Variants in TFAP4 observed in about 807,000 individuals in gnomAD.
The protein encoded by TFAP4 is activating enhancer-binding protein 4.
A neutral mutation model predicts 40.4 loss-of-function variants in TFAP4; 7 were observed. The observed-to-expected ratio is 0.17, with a 90% CI of 0.10 to 0.33. TFAP4 has a LOEUF of 0.33. TFAP4 is among the 10% of genes least tolerant of loss of function. TFAP4 has a pLI of 1.00. For missense variants in TFAP4, 374 were observed against 451.1 expected, an observed-to-expected ratio of 0.83 and a Z score of 1.55; for synonymous variants, 218 against 181.4, an observed-to-expected ratio of 1.20 and a Z score of -1.62.
In TFAP4 at chr16:4,260,566, C is replaced by T. The variant is rs749815187; in HGVS notation, c.555G>A (p.Pro185=). Residue 185 remains proline (P), a synonymous_variant, in exon 5 of 7, where the codon CCG becomes CCA. Transcript: ENST00000204517. ...QVRSLEAHMY[P]EKLKVIAQQV... ...GCTGCGCAATCACCTTGAGCTTTTC[C>T]GGGTACATGTGGGCCTCCAGCGAGC... The T allele has an allele frequency of 2.2e-5, 36 of 1,610,452 alleles. No individual in the cohort carries two copies. The highest frequency in any genetic ancestry group is 3.4e-4 in the Middle Eastern group (2 of 5,820).
intron 1 of TFAP4, among the ~76,000 whole-genome samples, chr16:4,271,888 C>A (rs1473896335): frequency 6.6e-6 from 1 of 152,208 alleles, no homozygotes; most frequent in Non-Finnish European, 1.5e-5. Context: ...ACAAATCCCA[C>A]AATGCTGCAC....
rs1411068141 is a variant in TFAP4, at chr16:4,272,930, C to T, written c.-184G>A. 2.1e-6 allele frequency: 1 copy of T among 483,182 alleles called. No individual in the cohort carries two copies. The highest frequency in any genetic ancestry group is 3.1e-5 in the Admixed American group (1 of 32,244). The allele number at this position is 483,182 out of a possible 1,614,324, so 29.9% of individuals were successfully genotyped here. A position where few individuals can be genotyped will look rare whatever the true frequency, so the allele number is the denominator to read the frequency against. On this transcript the variant is annotated 5_prime_UTR_variant, in exon 1 of 7. Transcript: ENST00000204517. ...GGGAGGGGCGGGAGGGAGGTCTCTC[C>T]GGCCTGCCTCCCCGGGCGTGTGTAT...
intron 6 of TFAP4, 106 bp downstream of exon 6, chr16:4,259,984 C>T: frequency 7.1e-7 from 1 of 1,401,634 alleles, no homozygotes; most frequent in Non-Finnish European, 9.5e-7. Flanking sequence ...CCTTCCCACA[C>T]AAGCACCATC....
chr16:4,270,696 G>A (rs1289978580), intron 1 of TFAP4, among the ~76,000 whole-genome samples: 2 of 152,330 alleles, frequency 1.3e-5, no homozygotes, highest in East Asian at 3.9e-4. Context: ...TTGGGGCAGG[G>A]ATAAATTGAA....
chr16:4,271,911 G>C (rs890219347), intron 1 of TFAP4, among the ~76,000 whole-genome samples: 2 of 152,198 alleles, frequency 1.3e-5, no homozygotes, highest in African/African-American at 2.4e-5. Context: ...GCAGGACACG[G>C]AGAACTACAG....
Position 4,261,760 on chromosome 16 carries a change from G to A in TFAP4, c.525+19C>T, listed in dbSNP as rs1877800550. 2 of 1,587,154 alleles carry A rather than the reference G, an allele frequency of 1.3e-6. No homozygotes were observed. Among genetic ancestry groups the A allele is most frequent in the Non-Finnish European group, 1.7e-6 (2 of 1,169,872 alleles). ...CCCTCTGCACCGCGCGCCGTGCCCA[G>A]CAGAGGGCGCTGCCTCACCTGCTCC... On this transcript the variant is annotated intron_variant, in intron 4 of 6. Transcript: ENST00000204517.
intron 4 of TFAP4, among the ~76,000 whole-genome samples, chr16:4,261,525 G>A (rs916538772): frequency 6.6e-6 from 1 of 151,900 alleles, no homozygotes; most frequent in Middle Eastern, 3.4e-3. Flanking sequence ...CTGACCTCAG[G>A]TGATCCACCC....
chr16:4,266,428 C>T (rs1419834711), intron 1 of TFAP4: 1 of 152,212 alleles, frequency 6.6e-6, no homozygotes, highest in African/African-American at 2.4e-5. Flanking sequence ...GAATCTGCCA[C>T]CAAGACCCTC....
intron 5 of TFAP4, 76 bp downstream of exon 5, chr16:4,260,379 G>A (rs2052936025): frequency 2.0e-6 from 3 of 1,514,602 alleles, no homozygotes; most frequent in Non-Finnish European, 1.8e-6. Context: ...GTGGCCTAGG[G>A]AGAGGCTTCC....
At chr16:4,263,983 G>C (rs1371810887) in intron 1 of TFAP4, 1 of 152,652 alleles carries the variant, frequency 6.6e-6, no homozygotes, top group Non-Finnish European at 1.5e-5. Flanking sequence ...CCAGATGCTG[G>C]GCTCTCAGCA....
intron 6 of TFAP4, among the ~76,000 whole-genome samples, chr16:4,259,754 C>G (rs1268528331): frequency 6.6e-6 from 1 of 152,142 alleles, no homozygotes; most frequent in African/African-American, 2.4e-5. Context: ...GGAGCTGAGA[C>G]AATGTTCCGG....
chr16:4,271,959 A>G (rs2053043941), intron 1 of TFAP4, among the ~76,000 whole-genome samples: 1 of 152,132 alleles, frequency 6.6e-6, no homozygotes, highest in African/African-American at 2.4e-5. Context: ...GCCTACTCCA[A>G]GAGGGCTGCA....
rs536611417 is a variant in TFAP4 at position 4,272,795 on chromosome 16, G to C, written c.-49C>G. On this transcript the variant is annotated 5_prime_UTR_variant, in exon 1 of 7. Transcript: ENST00000204517. ...ACGAGCCAGGTCCCGCGATCAGCCG[G>C]AGAATGCAAGATGGAAATCCGAATC... The C allele has an allele frequency of 8.3e-6, 13 of 1,561,754 alleles. No individual in the cohort carries two copies. In the Admixed American group the frequency reaches 8.5e-5, roughly 10 times the overall value.
At chr16:4,260,821 A>G (rs2052941728) in intron 4 of TFAP4, among the ~76,000 whole-genome samples, 1 of 152,048 alleles carries the variant, frequency 6.6e-6, no homozygotes, top group Admixed American at 6.5e-5. Context: ...TGCCTATGCT[A>G]TTCCCTCTGC....
chr16:4,260,718 G>T, intron 4 of TFAP4, 123 bp from the exon 5 acceptor site: 2 of 1,159,010 alleles, frequency 1.7e-6, no homozygotes, highest in South Asian at 1.8e-5. Flanking sequence ...TCTCAACAGA[G>T]GCCAGAAGCC....
Position 4,272,994 on chromosome 16 carries a change from GTGTGTGTGTT to G in TFAP4, c.-258_-249del, listed in dbSNP as rs2053053665. On this transcript the variant is annotated 5_prime_UTR_variant, in exon 1 of 7. Coordinates refer to ENST00000204517, the MANE Select transcript of TFAP4 (RefSeq NM_003223.3). ...TGTGTGTGTGTGTGTGTGTGTGTGT[GTGTGTGTGTT>G]TGCAGCTGATCAGATGTCTGTTTCA... 2.2e-6 allele frequency: 1 copy of G among 451,170 alleles called. No homozygotes were observed. The highest frequency in any genetic ancestry group is 4.0e-6 in the Non-Finnish European group (1 of 251,822). 27.9% of individuals were successfully genotyped at this position (451,170 alleles called of 1,614,324 possible).
intron 1 of TFAP4, 93 bp from the exon 2 acceptor site, chr16:4,262,794 T>G (rs2052960487): frequency 7.1e-7 from 1 of 1,414,972 alleles, no homozygotes; most frequent in African/African-American, 1.4e-5. Flanking sequence ...CCTCCCCTGC[T>G]GCAAAAGATG....
chr16:4,272,818 A>G lies in TFAP4; in HGVS notation c.-72T>C. On this transcript the variant is annotated 5_prime_UTR_variant, in exon 1 of 7. Transcript: ENST00000204517. The stretch of plus-strand genomic sequence containing the variant: ...CGGAGAATGCAAGATGGAAATCCGA[A>G]TCAAAGGGCAGCGCCGGACGGAGGT... The G allele has an allele frequency of 7.2e-7, 1 of 1,391,082 alleles. No individual in the cohort carries two copies. Among genetic ancestry groups the G allele is most frequent in the South Asian group, 1.3e-5 (1 of 74,668 alleles). 86.2% of individuals were successfully genotyped at this position (1,391,082 alleles called of 1,614,324 possible).
At chr16:4,264,565 G>A (rs2052975985) in intron 1 of TFAP4, 1 of 152,354 alleles carries the variant, frequency 6.6e-6, no homozygotes, top group South Asian at 2.1e-4. Flanking sequence ...CACTTTCCAT[G>A]AGACTTTAGG....
Sources: allele counts gnomAD v4.1 joint callset (sites outside exome capture counted in the v4.1 genomes callset), GRCh38; gene constraint gnomAD v4.1.1; transcripts MANE v1.5; gene names NCBI Gene and HGNC (gene_info 2026-07-23, HGNC 2026-07-21).